Variants in RBFOX1 observed in about 807,000 individuals in gnomAD.
RBFOX1 encodes RNA binding protein fox-1 homolog 1.
Under a neutral mutation model 57.7 loss-of-function variants are expected in RBFOX1, and 8 were observed. The ratio of observed to expected loss-of-function variants is 0.14; its 90% CI spans 0.08 to 0.25. RBFOX1 has a LOEUF of 0.25. Among genes scored for constraint, RBFOX1 ranks in the 10% least tolerant of loss-of-function variants. RBFOX1 has a pLI of 1.00. For missense variants in RBFOX1, 611 were observed against 548.5 expected, an observed-to-expected ratio of 1.11 and a Z score of -1.14; for synonymous variants, 326 against 222.4, an observed-to-expected ratio of 1.47 and a Z score of -4.15.
chr16:6,282,943 C>G (rs530369703), intron 1 of RBFOX1, among the ~76,000 whole-genome samples: 39 of 152,292 alleles, frequency 2.6e-4, no homozygotes, highest in African/African-American at 9.1e-4. Context: ...GTTAAGAGAA[C>G]CCTCACTTGA....
intron 3 of RBFOX1, among the ~76,000 whole-genome samples, chr16:5,753,583 G>A (rs750660108): frequency 1.5e-4 from 23 of 152,150 alleles, no homozygotes; most frequent in Non-Finnish European, 2.6e-4. Context: ...TGGCTGGCGA[G>A]AGCCGATTGT....
At chr16:5,454,759 C>CCTTTTCTTTTCT (rs1443026348) in intron 1 of RBFOX1, among the ~76,000 whole-genome samples, 26,382 of 75,432 alleles carry the variant, frequency 0.35, 3,247 homozygotes, top group Middle Eastern at 0.45. Flanking sequence ...CTTTTCTTTT[C>CCTTTTCTTTTCT]TTTCTTTCTC....
chr16:7,257,155 G>T (rs754225815), intron 4 of RBFOX1, among the ~76,000 whole-genome samples: 1 of 152,070 alleles, frequency 6.6e-6, no homozygotes, highest in African/African-American at 2.4e-5. Context: ...AACCCTTTCC[G>T]GTCCAACTGT....
chr16:7,579,151 CAT>C (rs1479269138), intron 5 of RBFOX1, among the ~76,000 whole-genome samples: 1 of 152,214 alleles, frequency 6.6e-6, no homozygotes, highest in Non-Finnish European at 1.5e-5. Flanking sequence ...TAAATTGTCA[CAT>C]GTGGTCAACT....
chr16:7,470,570 TGATGGATG>T (rs1032139326), intron 4 of RBFOX1, among the ~76,000 whole-genome samples: 4 of 149,934 alleles, frequency 2.7e-5, no homozygotes, highest in South Asian at 2.1e-4. Flanking sequence ...GCAGATGAGG[TGATGGATG>T]GATGGATGGA....
chr16:7,652,326 C>A (rs751831005), intron 11 of RBFOX1, among the ~76,000 whole-genome samples: 13 of 152,128 alleles, frequency 8.5e-5, no homozygotes, highest in Non-Finnish European at 1.2e-4. Context: ...GGGTAATCAT[C>A]AGGCTTAATT....
intron 4 of RBFOX1, among the ~76,000 whole-genome samples, chr16:5,893,884 CAAGTA>C (rs1483758933): frequency 6.6e-6 from 1 of 151,568 alleles, no homozygotes; most frequent in Admixed American, 6.6e-5. Context: ...TAAACATAAA[CAAGTA>C]AAGTGTGCTT....
At chr16:5,754,037 AT>A (rs1406825368) in intron 3 of RBFOX1, among the ~76,000 whole-genome samples, 1 of 152,178 alleles carries the variant, frequency 6.6e-6, no homozygotes, top group Non-Finnish European at 1.5e-5. Flanking sequence ...GTCAATGTGT[AT>A]GTTAGTATGC....
intron 1 of RBFOX1, among the ~76,000 whole-genome samples, chr16:6,187,577 C>G (rs1008487465): frequency 2.6e-5 from 4 of 151,994 alleles, no homozygotes; most frequent in Admixed American, 6.6e-5. Context: ...TGGAGAAGAC[C>G]CAGCTGGAAC....
chr16:7,685,998 T>C (rs2075981937), intron 14 of RBFOX1, among the ~76,000 whole-genome samples: 1 of 152,058 alleles, frequency 6.6e-6, no homozygotes, highest in African/African-American at 2.4e-5. Flanking sequence ...AACATTGAGC[T>C]AGTTGACCCT....
chr16:7,486,054 G>T (rs2065278102), intron 4 of RBFOX1, among the ~76,000 whole-genome samples: 1 of 150,960 alleles, frequency 6.6e-6, no homozygotes, highest in South Asian at 2.1e-4. Flanking sequence ...TCCTTCTTCT[G>T]TGCTACCACT....
At chr16:5,597,196 A>G (rs1056735802) in intron 2 of RBFOX1, among the ~76,000 whole-genome samples, 4 of 150,682 alleles carry the variant, frequency 2.7e-5, no homozygotes, top group Admixed American at 2.0e-4. Context: ...GTGTCTGTCT[A>G]TATCTTTGTC....
chr16:7,037,030 G>A (rs1182520557), intron 3 of RBFOX1, among the ~76,000 whole-genome samples: 3 of 152,126 alleles, frequency 2.0e-5, no homozygotes, highest in African/African-American at 7.2e-5. Flanking sequence ...GCCAGTGGGA[G>A]TGTGGCAGTG....
At chr16:6,368,673 A>C (rs1258019500) in intron 2 of RBFOX1, among the ~76,000 whole-genome samples, 1 of 152,228 alleles carries the variant, frequency 6.6e-6, no homozygotes, top group Non-Finnish European at 1.5e-5. Context: ...GTCATATGTC[A>C]TAGGTTCATT....
At chr16:5,320,560 A>G (rs1392109964) in intron 1 of RBFOX1, among the ~76,000 whole-genome samples, 5 of 152,206 alleles carry the variant, frequency 3.3e-5, no homozygotes, top group African/African-American at 9.6e-5. Flanking sequence ...CAGAGCTGCC[A>G]TGTTTTCTGC....
chr16:7,511,817 A>C lies in RBFOX1; in HGVS notation c.28-6330A>C, dbSNP rs185775191. On this transcript the variant is annotated intron_variant, in intron 4 of 15. Coordinates refer to ENST00000550418, the MANE Select transcript of RBFOX1 (RefSeq NM_018723.4). The stretch of plus-strand genomic sequence containing the variant: ...GGAAGTTTCTTCTCTGTTTATCCTA[A>C]TAAATGTTGTTTATTTCAAGCTTCT... Among the ~76,000 whole-genome samples the C allele has an allele frequency of 1.8e-3, 271 of 152,256 alleles. 2 individuals carry two copies. Among genetic ancestry groups the C allele is most frequent in the Middle Eastern group, 0.01 (3 of 294 alleles).
chr16:6,636,540 T>G (rs959395477), intron 2 of RBFOX1, among the ~76,000 whole-genome samples: 2 of 151,878 alleles, frequency 1.3e-5, no homozygotes. Flanking sequence ...AAACCTCTAA[T>G]TACTGTAGCA....
At chr16:5,367,672 C>A (rs1040613306) in intron 1 of RBFOX1, among the ~76,000 whole-genome samples, 1 of 152,170 alleles carries the variant, frequency 6.6e-6, no homozygotes, top group Non-Finnish European at 1.5e-5. Flanking sequence ...GTGCTCAATA[C>A]TTTATATGCA....
intron 4 of RBFOX1, among the ~76,000 whole-genome samples, chr16:7,444,454 G>A (rs927376519): frequency 1.3e-5 from 2 of 152,166 alleles, no homozygotes; most frequent in Non-Finnish European, 2.9e-5. Context: ...CAGCCTAGGG[G>A]GAGAGCAGAA....
Sources: gnomAD v4.1 joint callset for allele counts (sites outside exome capture counted in the v4.1 genomes callset) on GRCh38, gnomAD v4.1.1 for gene constraint, MANE v1.5 for transcripts, NCBI Gene and HGNC (gene_info 2026-07-23, HGNC 2026-07-21) for gene names.